The following KLF12 variants were observed in gnomAD, a reference collection of about 807,000 sequenced individuals.
KLF12 encodes Krueppel-like factor 12.
In KLF12, 9 loss-of-function variants were observed where a neutral mutation model predicts 37.8. The observed-to-expected ratio is 0.24, with a 90% CI of 0.14 to 0.42. The LOEUF (loss-of-function observed/expected upper bound fraction) is 0.42. Ranked by LOEUF, KLF12 falls within the 10% of genes least tolerant of loss-of-function variation. The pLI, the probability that KLF12 is intolerant of heterozygous loss-of-function variation, is 1.00. For synonymous variants in KLF12, 208 were observed against 202.1 expected, an observed-to-expected ratio of 1.03 and a Z score of -0.25; for missense variants, 411 against 516.0, an observed-to-expected ratio of 0.80 and a Z score of 1.97.
At chr13:73,744,635 G>T (rs577645683) in intron 6 of KLF12, among the ~76,000 whole-genome samples, 4 of 152,176 alleles carry the variant, frequency 2.6e-5, no homozygotes, top group African/African-American at 9.6e-5. Flanking sequence ...AGGAGGAACT[G>T]CTATAGAGCC....
chr13:73,851,403 T>C (rs1248219780), intron 3 of KLF12, among the ~76,000 whole-genome samples: 2 of 152,230 alleles, frequency 1.3e-5, no homozygotes, highest in African/African-American at 4.8e-5. Flanking sequence ...AATTTTCTCT[T>C]AAAATATAGA....
chr13:74,268,476 C>A, the KLF12 span, among the ~76,000 whole-genome samples: 6 of 152,152 alleles, frequency 3.9e-5, no homozygotes, highest in Non-Finnish European at 7.3e-5. Flanking sequence ...TGAGTGAAAT[C>A]AGGTAATATG....
intron 1 of KLF12, among the ~76,000 whole-genome samples, chr13:74,009,463 T>A (rs1536028): frequency 0.96 from 146,138 of 152,238 alleles, 70,409 homozygotes; most frequent in East Asian, 1. Flanking sequence ...ATTTTGTCAG[T>A]TCCCAAAGTC....
intron 6 of KLF12, among the ~76,000 whole-genome samples, chr13:73,731,709 G>C (rs977168493): frequency 6.6e-6 from 1 of 152,096 alleles, no homozygotes; most frequent in Non-Finnish European, 1.5e-5. Context: ...ACCTCAAAGA[G>C]ATGCACTTAA....
intron 5 of KLF12, among the ~76,000 whole-genome samples, chr13:73,806,355 C>G (rs1882628146): frequency 6.6e-6 from 1 of 152,098 alleles, no homozygotes; most frequent in African/African-American, 2.4e-5. Context: ...CCCGCCTCGG[C>G]CTCCCAAAGT....
the KLF12 span, among the ~76,000 whole-genome samples, chr13:74,268,780 T>G: frequency 6.6e-6 from 1 of 152,154 alleles, no homozygotes; most frequent in Non-Finnish European, 1.5e-5. Context: ...CTTAGAGGAT[T>G]TAGTAAGCAA....
chr13:74,188,100 G>A, the KLF12 span, among the ~76,000 whole-genome samples: 2,862 of 152,124 alleles, frequency 0.019, 81 homozygotes, highest in African/African-American at 0.063. Flanking sequence ...AGGCCGGGGA[G>A]TCTATTTAGA....
intron 1 of KLF12, among the ~76,000 whole-genome samples, chr13:74,011,284 A>G (rs1892544993): frequency 6.6e-6 from 1 of 151,616 alleles, no homozygotes; most frequent in Non-Finnish European, 1.5e-5. Flanking sequence ...TTGGAACAGT[A>G]TAAAATTTCT....
the KLF12 span, among the ~76,000 whole-genome samples, chr13:74,215,427 CTTTTTTTTTT>C: frequency 1.7e-4 from 10 of 60,382 alleles, no homozygotes; most frequent in Non-Finnish European, 6.7e-5. Context: ...CCTCTGGGTT[CTTTTTTTTTT>C]TTTTTTTTTT....
Position 74,102,997 on chromosome 13 carries a change from TTG to T in KLF12, c.-32+30740_-32+30741del, listed in dbSNP as rs574393752. 3.0e-3 allele frequency among the ~76,000 whole-genome samples: 456 copies of T among 152,286 alleles called. 1 individual carries two copies. The highest frequency in any genetic ancestry group is 0.01 in the African/African-American group (435 of 41,552). On this transcript the variant is annotated intron_variant, in intron 1 of 7. Coordinates refer to ENST00000377669, the MANE Select transcript of KLF12 (RefSeq NM_007249.5). Reference sequence around the variant, plus strand: ...CTTGGAACTCTATTCACCTGTTTTTTTGAGGGGGGCAGTAACACACTCTAAAG... The same window carrying T: ...CTTGGAACTCTATTCACCTGTTTTTTAGGGGGGCAGTAACACACTCTAAAG...
chr13:74,068,741 G>A (rs1343439876), intron 1 of KLF12, among the ~76,000 whole-genome samples: 3 of 152,010 alleles, frequency 2.0e-5, no homozygotes, highest in Non-Finnish European at 2.9e-5. Context: ...ATTTTTAGTA[G>A]AGACTGGGTT....
chr13:73,886,771 C>T (rs1291482594), intron 3 of KLF12, among the ~76,000 whole-genome samples: 2 of 152,148 alleles, frequency 1.3e-5, no homozygotes, highest in Non-Finnish European at 2.9e-5. Flanking sequence ...GCGAGCGGAT[C>T]ACCTGAGGTC....
chr13:73,880,417 C>T (rs902693350), intron 3 of KLF12, among the ~76,000 whole-genome samples: 3 of 152,152 alleles, frequency 2.0e-5, no homozygotes, highest in African/African-American at 7.2e-5. Context: ...GTAAAGTGAT[C>T]ACAGGCCATT....
chr13:74,012,804 C>G (rs923560591), intron 1 of KLF12, among the ~76,000 whole-genome samples: 2 of 150,834 alleles, frequency 1.3e-5, no homozygotes, highest in Admixed American at 1.3e-4. Context: ...ACTAGCAGTA[C>G]TTAAAAAACA....
chr13:74,083,375 C>T (rs1173590212), intron 1 of KLF12, among the ~76,000 whole-genome samples: 2 of 151,922 alleles, frequency 1.3e-5, no homozygotes, highest in Non-Finnish European at 2.9e-5. Flanking sequence ...GGTATGGTGA[C>T]GCGTGCCTGT....
At chr13:74,166,087 C>CTT in the KLF12 span, among the ~76,000 whole-genome samples, 2,329 of 103,650 alleles carry the variant, frequency 0.022, 64 homozygotes, top group South Asian at 0.026. Flanking sequence ...GCATAAACAC[C>CTT]TTTTTTTTTT....
chr13:73,999,339 A>G (rs538208209), intron 1 of KLF12, among the ~76,000 whole-genome samples: 5 of 152,316 alleles, frequency 3.3e-5, no homozygotes, highest in South Asian at 4.1e-4. Context: ...TAAAGATCTC[A>G]TAAGTTAAAA....
rs376132808 is a variant in KLF12, at chr13:73,872,948, C to T, written c.124-26575G>A. Among the ~76,000 whole-genome samples, 10 of 152,230 alleles carry T rather than the reference C, an allele frequency of 6.6e-5. No individual in the cohort carries two copies. In the East Asian group the frequency reaches 1.5e-3, roughly 24 times the overall value. On this transcript the variant is annotated intron_variant, in intron 3 of 7. Transcript: ENST00000377669. The stretch of plus-strand genomic sequence containing the variant: ...TGTGAGAGCAGAGACCTTATTTTGA[C>T]CACTGCTATCTTCCAAACACCTGGA...
chr13:74,267,350 G>A, the KLF12 span, among the ~76,000 whole-genome samples: 1 of 152,156 alleles, frequency 6.6e-6, no homozygotes, highest in African/African-American at 2.4e-5. Flanking sequence ...CAAACTAAGT[G>A]TCCATCAACT....
Sources: gnomAD v4.1 joint callset for allele counts (sites outside exome capture counted in the v4.1 genomes callset) on GRCh38, gnomAD v4.1.1 for gene constraint, MANE v1.5 for transcripts, NCBI Gene and HGNC (gene_info 2026-07-23, HGNC 2026-07-21) for gene names.